Variants in CCDC57 observed in about 807,000 individuals in gnomAD.
CCDC57 encodes the protein coiled-coil domain containing 57.
CCDC57 carries 118 observed loss-of-function variants against 118.9 expected under a neutral mutation model. The observed-to-expected ratio is 0.99, with a 90% CI of 0.86 to 1.16. CCDC57 has a LOEUF of 1.16. CCDC57 is among the 50% of genes most tolerant of loss of function. CCDC57 has a pLI of 0.00. For missense variants in CCDC57, 1,300 were observed against 1,320.7 expected (o/e 0.98, Z 0.24); for synonymous variants, 527 against 532.9 (o/e 0.99, Z 0.15).
At chr17:82,194,042 T>C in exon 6 of CCDC57, 1 of 1,613,720 alleles carries the variant, frequency 6.2e-7, no homozygotes, top group Non-Finnish European at 8.5e-7. Flanking sequence ...GAGCTTCCTC[T>C]CCAGCTCGGC....
intron 17 of CCDC57, among the ~76,000 whole-genome samples, chr17:82,131,991 G>A (rs555350738): frequency 8.0e-4 from 122 of 151,912 alleles, no homozygotes; most frequent in Non-Finnish European, 1.4e-3. Context: ...GCTGGCGGGC[G>A]CCTGTAATCC....
intron 3 of CCDC57, 54 bp downstream of exon 2, chr17:82,201,484 T>C (rs1026868246): frequency 6.0e-6 from 9 of 1,490,720 alleles, no homozygotes; most frequent in African/African-American, 4.2e-5. Context: ...GCAGGAGGCA[T>C]GTGGGGGCCT....
chr17:82,137,731 T>C (rs1598816779), intron 16 of CCDC57, among the ~76,000 whole-genome samples: 2 of 150,998 alleles, frequency 1.3e-5, no homozygotes, highest in Non-Finnish European at 2.9e-5. Flanking sequence ...TGGAGTGCAG[T>C]GGCGCAATCT....
chr17:82,166,907 C>T (rs1194105031), intron 13 of CCDC57, among the ~76,000 whole-genome samples: 1 of 151,784 alleles, frequency 6.6e-6, no homozygotes, highest in Non-Finnish European at 1.5e-5. Context: ...CAGAGCAAGG[C>T]CCTGTCTCAA....
intron 13 of CCDC57, among the ~76,000 whole-genome samples, chr17:82,170,753 G>A (rs1276460253): frequency 6.6e-6 from 1 of 152,174 alleles, no homozygotes; most frequent in African/African-American, 2.4e-5. Flanking sequence ...AGTTACGGCA[G>A]CCCTAGCCAA....
chr17:82,183,980 G>T, intron 8 of CCDC57, 48 bp from the exon 8 acceptor site: 6 of 1,401,478 alleles, frequency 4.3e-6, no homozygotes, highest in Admixed American at 1.9e-5. Context: ...ACTCACTAAA[G>T]TTGTCTCTTA....
chr17:82,122,221 A>G (rs116573696), intron 19 of CCDC57, among the ~76,000 whole-genome samples: 2 of 152,338 alleles, frequency 1.3e-5, no homozygotes, highest in African/African-American at 4.8e-5. Context: ...TGAGCATGTA[A>G]GAGGAAATGA....
intron 19 of CCDC57, among the ~76,000 whole-genome samples, chr17:82,121,631 C>T (rs1055203545): frequency 6.6e-6 from 1 of 152,176 alleles, no homozygotes; most frequent in African/African-American, 2.4e-5. Context: ...CATTGCGGAG[C>T]CATTAGGAGA....
chr17:82,147,418 G>A (rs1254680288), intron 16 of CCDC57, among the ~76,000 whole-genome samples: 1 of 151,662 alleles, frequency 6.6e-6, no homozygotes, highest in Non-Finnish European at 1.5e-5. Context: ...ATGGGTGGGT[G>A]AATGGATGGA....
intron 8 of CCDC57, among the ~76,000 whole-genome samples, chr17:82,185,388 C>T (rs1346652299): frequency 1.3e-5 from 2 of 149,730 alleles, no homozygotes; most frequent in Non-Finnish European, 3.0e-5. Flanking sequence ...GAGGCCGAGG[C>T]AGGCAGACTG....
At chr17:82,163,312 C>G in exon 14 of CCDC57, 1 of 1,613,738 alleles carries the variant, frequency 6.2e-7, no homozygotes, top group East Asian at 2.2e-5. Flanking sequence ...TCCTGCTTGA[C>G]CAGCTTGGAC....
chr17:82,108,651 A>G (rs2035028952), intron 19 of CCDC57: 1 of 152,248 alleles, frequency 6.6e-6, no homozygotes, highest in Non-Finnish European at 1.5e-5. Flanking sequence ...CAAGTCACAG[A>G]GCAAACACCT....
chr17:82,119,833 A>C (rs532407344), intron 19 of CCDC57, among the ~76,000 whole-genome samples: 2 of 152,204 alleles, frequency 1.3e-5, no homozygotes, highest in South Asian at 4.1e-4. Context: ...ATAAAAACGC[A>C]GGTGAGAGAG....
At chr17:82,139,923 A>G (rs2039795017) in intron 16 of CCDC57, among the ~76,000 whole-genome samples, 1 of 152,196 alleles carries the variant, frequency 6.6e-6, no homozygotes, top group African/African-American at 2.4e-5. Flanking sequence ...GTGGAGGATG[A>G]CAGCTTTTGT....
chr17:82,168,694 C>T lies in CCDC57; in HGVS notation c.1882+3007G>A, dbSNP rs117812397. Among the ~76,000 whole-genome samples, 201 of 151,596 alleles carry T rather than the reference C, an allele frequency of 1.3e-3. 3 individuals are homozygous for T. In the East Asian group the frequency reaches 0.029, roughly 22 times the overall value. Reference sequence around the variant, plus strand: ...CGCGAATGCTAATCAAAAGAAAGCCCGAGTGGATTAATTAATATCAGACAA... The same window carrying T: ...CGCGAATGCTAATCAAAAGAAAGCCTGAGTGGATTAATTAATATCAGACAA... On this transcript the variant is annotated intron_variant, in intron 13 of 19. Coordinates refer to ENST00000665763, the Ensembl canonical transcript of CCDC57.
chr17:82,159,181 T>C (rs537481000), intron 14 of CCDC57, among the ~76,000 whole-genome samples: 1 of 151,950 alleles, frequency 6.6e-6, no homozygotes, highest in South Asian at 2.1e-4. Context: ...TTAGTTTTTG[T>C]AGGGACAAGG....
intron 19 of CCDC57, among the ~76,000 whole-genome samples, chr17:82,109,212 CA>C (rs1049929114): frequency 5.3e-4 from 80 of 152,324 alleles, no homozygotes; most frequent in African/African-American, 1.8e-3. Flanking sequence ...GACAGGAAAC[CA>C]AGTGGCCCCA....
chr17:82,201,474 G>T (rs955649550), intron 3 of CCDC57, 64 bp downstream of exon 2: 1 of 1,474,420 alleles, frequency 6.8e-7, no homozygotes, highest in Non-Finnish European at 9.0e-7. Context: ...GCACAGCGGA[G>T]CAGGAGGCAT....
chr17:82,126,670 GGCTGAGGCGAT>G (rs1262294242), intron 19 of CCDC57: 2 of 985,226 alleles, frequency 2.0e-6, no homozygotes. Context: ...GGGTGGCGGA[GGCTGAGGCGAT>G]GCTGTCCACC....
Sources: gnomAD v4.1 joint callset for allele counts (sites outside exome capture counted in the v4.1 genomes callset) on GRCh38, gnomAD v4.1.1 for gene constraint, MANE v1.5 for transcripts, NCBI Gene and HGNC (gene_info 2026-07-23, HGNC 2026-07-21) for gene names.